Variants in PID1 observed in about 807,000 individuals in gnomAD.
The protein encoded by PID1 is phosphotyrosine interaction domain containing 1, also known as PTB-containing, cubilin and LRP1-interacting protein.
Under a neutral mutation model 19.1 loss-of-function variants are expected in PID1, and 10 were observed. The ratio of observed to expected loss-of-function variants is 0.52; its 90% CI spans 0.32 to 0.89. The LOEUF (loss-of-function observed/expected upper bound fraction) is 0.89. Ranked by LOEUF, PID1 falls within the 40% of genes least tolerant of loss-of-function variation. PID1 has a pLI of 0.03. For synonymous variants in PID1, 130 were observed against 116.0 expected, an observed-to-expected ratio of 1.12 and a Z score of -0.78; for missense variants, 248 against 285.3, an observed-to-expected ratio of 0.87 and a Z score of 0.94.
chr2:229,262,561 G>A (rs1170004737), intron 1 of PID1: 2 of 1,411,206 alleles, frequency 1.4e-6, no homozygotes, highest in South Asian at 1.5e-5. Context: ...CATCACAGAA[G>A]TAGAGTGACC....
intron 1 of PID1, among the ~76,000 whole-genome samples, chr2:229,196,532 T>C (rs1232681413): frequency 1.3e-5 from 2 of 152,028 alleles, no homozygotes; most frequent in East Asian, 1.9e-4. Context: ...AATAAGATGA[T>C]AAAAATGTTT....
chr2:229,169,173 A>C (rs1690661646), intron 1 of PID1, among the ~76,000 whole-genome samples: 1 of 152,194 alleles, frequency 6.6e-6, no homozygotes, highest in Non-Finnish European at 1.5e-5. Flanking sequence ...ACTTTTAAAA[A>C]TGTAATAATT....
intron 2 of PID1, among the ~76,000 whole-genome samples, chr2:229,071,771 C>A (rs2106202619): frequency 6.6e-6 from 1 of 152,246 alleles, no homozygotes; most frequent in East Asian, 1.9e-4. Context: ...ATCATCATAA[C>A]CATGTTTTTG....
chr2:229,059,072 C>T (rs765051365), intron 2 of PID1, among the ~76,000 whole-genome samples: 3 of 151,958 alleles, frequency 2.0e-5, no homozygotes, highest in Admixed American at 6.6e-5. Flanking sequence ...AATGAAAAAC[C>T]CAAGCTAACT....
intron 1 of PID1, among the ~76,000 whole-genome samples, chr2:229,212,510 G>T (rs1313883959): frequency 6.6e-6 from 1 of 152,184 alleles, no homozygotes; most frequent in Non-Finnish European, 1.5e-5. Flanking sequence ...AGCTGAAAGG[G>T]CAGCTGGATT....
chr2:229,198,157 C>A (rs182879481), intron 1 of PID1, among the ~76,000 whole-genome samples: 28 of 152,156 alleles, frequency 1.8e-4, no homozygotes, highest in Admixed American at 1.5e-3. Context: ...ATAGAAAAAT[C>A]TTCCCGAAAT....
At chr2:229,031,906 A>ACTC (rs1265606209) in intron 2 of PID1, among the ~76,000 whole-genome samples, 4 of 152,230 alleles carry the variant, frequency 2.6e-5, no homozygotes, top group African/African-American at 9.6e-5. Flanking sequence ...TTAACCCATA[A>ACTC]TGTTGACTGT....
At chr2:229,196,906 T>C (rs1234759354) in intron 1 of PID1, among the ~76,000 whole-genome samples, 1 of 151,978 alleles carries the variant, frequency 6.6e-6, no homozygotes, top group Non-Finnish European at 1.5e-5. Flanking sequence ...AACATTAAAG[T>C]AAGTAAGTAG....
chr2:229,131,512 T>A (rs1021660941), intron 2 of PID1, among the ~76,000 whole-genome samples: 31 of 152,296 alleles, frequency 2.0e-4, no homozygotes, highest in African/African-American at 7.0e-4. Context: ...ATTACAAGTG[T>A]GAGCCACCAT....
At chr2:229,234,840 T>C (rs991379739) in intron 1 of PID1, among the ~76,000 whole-genome samples, 2 of 152,290 alleles carry the variant, frequency 1.3e-5, no homozygotes, top group African/African-American at 4.8e-5. Context: ...TGAAAGACCA[T>C]GGCGTTTTCA....
Position 229,025,790 on chromosome 2 carries a change from C to T in PID1, c.496G>A (p.Ala166Thr), listed in dbSNP as rs761090784. 2.5e-6 allele frequency: 4 copies of T among 1,614,240 alleles called. No homozygotes were observed. The highest frequency in any genetic ancestry group is 1.1e-5 in the South Asian group (1 of 91,088). Residue 166 changes from alanine (A) to threonine (T), a missense_variant, in exon 3 of 3, where the codon GCC (alanine) becomes ACC (threonine). Physicochemically the swap from Ala to Thr is moderately conservative, Grantham distance 58. Coordinates refer to ENST00000392055, the MANE Select transcript of PID1 (RefSeq NM_001100818.2). Reference protein sequence around the residue: ...DDLSYQMDCHAVECESKLEAK... With the variant: ...DDLSYQMDCHTVECESKLEAK... ...TCGAGCTTGCTCTCGCACTCCACGG[C>T]GTGGCAGTCCATCTGGTAGGACAGG...
intron 2 of PID1, among the ~76,000 whole-genome samples, chr2:229,127,720 C>T (rs369728417): frequency 6.6e-6 from 1 of 152,090 alleles, no homozygotes; most frequent in East Asian, 1.9e-4. Flanking sequence ...AAAAATGTCT[C>T]CAGACATTGC....
intron 1 of PID1, among the ~76,000 whole-genome samples, chr2:229,182,270 T>C (rs1481984771): frequency 6.6e-6 from 1 of 150,666 alleles, no homozygotes; most frequent in African/African-American, 2.4e-5. Context: ...TCTGGTCCTC[T>C]GGTGAGAGAC....
intron 2 of PID1, among the ~76,000 whole-genome samples, chr2:229,052,568 G>A (rs1432182211): frequency 2.0e-5 from 3 of 151,842 alleles, no homozygotes; most frequent in Admixed American, 1.3e-4. Flanking sequence ...TCAACAAATG[G>A]GGATCAATAA....
chr2:229,183,954 CT>C (rs112042923), intron 1 of PID1, among the ~76,000 whole-genome samples: 24 of 1,814 alleles, frequency 0.013, 4 homozygotes, highest in African/African-American at 0.1. Context: ...TATATATCCC[CT>C]ATATATATCC....
Position 229,255,942 on chromosome 2 carries a change from G to T in PID1, c.30+15072C>A, listed in dbSNP as rs573239712. Among the ~76,000 whole-genome samples, 4 of 152,292 alleles carry T rather than the reference G, an allele frequency of 2.6e-5. No homozygotes were observed. The East Asian group carries it at 7.7e-4, about 29-fold the overall frequency. ...TTGGCCTCCATGCACCTGCAGGTGG[G>T]CTGCGAGAGCTGTACTTGGAGAGCA... On this transcript the variant is annotated intron_variant, in intron 1 of 2. Coordinates refer to ENST00000392055, the MANE Select transcript of PID1 (RefSeq NM_001100818.2).
At chr2:229,078,120 C>T (rs1054471935) in intron 2 of PID1, among the ~76,000 whole-genome samples, 1 of 152,080 alleles carries the variant, frequency 6.6e-6, no homozygotes, top group Admixed American at 6.6e-5. Context: ...CCTTCACATC[C>T]CTTGTAAGTT....
intron 2 of PID1, among the ~76,000 whole-genome samples, chr2:229,055,058 G>T (rs10933274): frequency 0.51 from 78,125 of 151,886 alleles, 20,983 homozygotes; most frequent in African/African-American, 0.67. Context: ...AATAAAATGA[G>T]GGACAAGACA....
intron 2 of PID1, among the ~76,000 whole-genome samples, chr2:229,061,300 T>C (rs1305700409): frequency 2.0e-5 from 3 of 152,076 alleles, no homozygotes; most frequent in Admixed American, 6.6e-5. Flanking sequence ...GAGATAAGGG[T>C]CCAATTTCAT....
Sources: allele counts gnomAD v4.1 joint callset (sites outside exome capture counted in the v4.1 genomes callset), GRCh38; gene constraint gnomAD v4.1.1; transcripts MANE v1.5; gene names NCBI Gene and HGNC (gene_info 2026-07-23, HGNC 2026-07-21).